MAF: variants seen among roughly 807,000 people sequenced by gnomAD.
The protein encoded by MAF is transcription factor Maf.
Under a neutral mutation model 22.0 loss-of-function variants are expected in MAF, and 10 were observed. The observed-to-expected ratio is 0.45, with a 90% CI of 0.28 to 0.77. The LOEUF (loss-of-function observed/expected upper bound fraction) is 0.77, where lower values mean the gene tolerates loss of function less well. Ranked by LOEUF, MAF falls within the 30% of genes least tolerant of loss-of-function variation. The probability of loss-of-function intolerance (pLI) is 0.12; values close to 1 mark genes in which losing one functional copy is unlikely to be tolerated. For missense variants in MAF, 544 were observed against 548.4 expected (o/e 0.99, Z 0.08); for synonymous variants, 337 against 255.8 (o/e 1.32, Z -3.03).
chr16:79,395,607 T>C, the MAF span, among the ~76,000 whole-genome samples: 2 of 152,064 alleles, frequency 1.3e-5, no homozygotes, highest in Non-Finnish European at 1.5e-5. Flanking sequence ...AGTCAAGGAA[T>C]GCCGGAGCTT....
the MAF span, among the ~76,000 whole-genome samples, chr16:79,349,582 G>A: frequency 6.6e-6 from 1 of 152,208 alleles, no homozygotes; most frequent in African/African-American, 2.4e-5. Flanking sequence ...AGGAACATAC[G>A]GCCTGCCTCT....
chr16:79,390,446 C>G, the MAF span, among the ~76,000 whole-genome samples: 1 of 152,174 alleles, frequency 6.6e-6, no homozygotes, highest in Non-Finnish European at 1.5e-5. Flanking sequence ...ATGTCTCTCT[C>G]TACTTTTATG....
the MAF span, among the ~76,000 whole-genome samples, chr16:79,575,432 C>G: frequency 6.6e-6 from 1 of 152,148 alleles, no homozygotes; most frequent in Non-Finnish European, 1.5e-5. Context: ...GGCAAGGGGC[C>G]ATGAGGACTC....
At chr16:79,337,293 C>G in the MAF span, among the ~76,000 whole-genome samples, 2 of 152,182 alleles carry the variant, frequency 1.3e-5, no homozygotes, top group African/African-American at 4.8e-5. Flanking sequence ...AGACAGCAGT[C>G]AGGCATGGTG....
At chr16:79,581,852 A>G (rs1470572666), downstream of MAF, among the ~76,000 whole-genome samples, 1 of 152,190 alleles carries the variant, frequency 6.6e-6, no homozygotes, top group Non-Finnish European at 1.5e-5. Flanking sequence ...ACCTGAGGTC[A>G]CTGCTCGGTG....
the MAF span, among the ~76,000 whole-genome samples, chr16:79,523,505 C>T: frequency 6.6e-6 from 1 of 152,206 alleles, no homozygotes; most frequent in Non-Finnish European, 1.5e-5. Flanking sequence ...AAAATATTTA[C>T]TGCTGAACAC....
chr16:79,478,736 A>T, the MAF span, among the ~76,000 whole-genome samples: 1 of 152,060 alleles, frequency 6.6e-6, no homozygotes, highest in Non-Finnish European at 1.5e-5. Context: ...TCATCCCAGC[A>T]TACCTGGATG....
chr16:79,537,978 G>C, the MAF span, among the ~76,000 whole-genome samples: 1 of 152,112 alleles, frequency 6.6e-6, no homozygotes, highest in African/African-American at 2.4e-5. Flanking sequence ...AAATAACTTT[G>C]TTCTATAATT....
At chr16:79,597,606 A>C (rs1356451247) in intron 1 of MAF, 1 of 1,022,530 alleles carries the variant, frequency 9.8e-7, no homozygotes, top group East Asian at 6.5e-5. Flanking sequence ...AACTCAAAGC[A>C]GTTTTGGAGC....
the MAF span, among the ~76,000 whole-genome samples, chr16:79,360,596 G>A: frequency 6.6e-6 from 1 of 152,176 alleles, no homozygotes; most frequent in Non-Finnish European, 1.5e-5. Context: ...TTCTTCAACA[G>A]CAATTAACCA....
the MAF span, among the ~76,000 whole-genome samples, chr16:79,379,927 T>A: frequency 3.3e-5 from 5 of 152,262 alleles, no homozygotes; most frequent in East Asian, 5.8e-4. Flanking sequence ...TCAGACACAG[T>A]TTCAGTCCAT....
chr16:79,211,850 G>T, the MAF span: 418 of 1,608,604 alleles, frequency 2.6e-4, 2 homozygotes, highest in East Asian at 1.8e-3. Flanking sequence ...GTCCCCTCAC[G>T]CAAGTGCCAG....
the MAF span, among the ~76,000 whole-genome samples, chr16:79,439,642 G>C: frequency 1.3e-5 from 2 of 152,210 alleles, no homozygotes; most frequent in South Asian, 4.1e-4. Context: ...TGCAAAAACA[G>C]TCTGCTCTGC....
the MAF span, among the ~76,000 whole-genome samples, chr16:79,488,471 G>T: frequency 6.6e-6 from 1 of 152,056 alleles, no homozygotes; most frequent in Admixed American, 6.6e-5. Flanking sequence ...ATCACTCTAT[G>T]TAAATGGAAG....
chr16:79,370,599 G>A, the MAF span, among the ~76,000 whole-genome samples: 1 of 152,194 alleles, frequency 6.6e-6, no homozygotes, highest in Admixed American at 6.5e-5. Context: ...TGCCACCTCT[G>A]CAGGATCCTA....
At chr16:79,327,324 C>G in the MAF span, among the ~76,000 whole-genome samples, 1 of 152,102 alleles carries the variant, frequency 6.6e-6, no homozygotes, top group Non-Finnish European at 1.5e-5. Flanking sequence ...GTAGTTCTCT[C>G]ACAATGACAT....
chr16:79,359,695 A>C, the MAF span, among the ~76,000 whole-genome samples: 9 of 152,202 alleles, frequency 5.9e-5, no homozygotes, highest in Non-Finnish European at 1.2e-4. Flanking sequence ...TTTACTTTGT[A>C]GCCAAGAGCT....
rs1913373435 is a variant in MAF at position 79,594,355 on chromosome 16, A to G, written c.*105T>C. 2.0e-6 allele frequency: 2 copies of G among 1,015,578 alleles called. No individual in the cohort carries two copies. The highest frequency in any genetic ancestry group is 4.0e-5 in the Admixed American group (2 of 49,754). 62.9% of individuals were successfully genotyped at this position (1,015,578 alleles called of 1,614,324 possible). The stretch of plus-strand genomic sequence containing the variant: ...CTTCTTCTCTAACACAGTAATTTTT[A>G]TTTAAAAAGGAGACTAAACAGAAGT... On this transcript the variant is annotated 3_prime_UTR_variant, in exon 2 of 2. Coordinates refer to ENST00000326043, the MANE Select transcript of MAF (RefSeq NM_005360.5).
At chr16:79,531,342 T>C in the MAF span, among the ~76,000 whole-genome samples, 1 of 152,270 alleles carries the variant, frequency 6.6e-6, no homozygotes, top group East Asian at 1.9e-4. Flanking sequence ...TCCCCATCCT[T>C]TCTAACACCA....
Sources: gnomAD v4.1 joint callset for allele counts (sites outside exome capture counted in the v4.1 genomes callset) on GRCh38, gnomAD v4.1.1 for gene constraint, MANE v1.5 for transcripts, NCBI Gene and HGNC (gene_info 2026-07-23, HGNC 2026-07-21) for gene names.